CDH12: variants seen among roughly 807,000 people sequenced by gnomAD.
CDH12 encodes cadherin 12.
In CDH12, 41 loss-of-function variants were observed where a neutral mutation model predicts 74.1. The observed-to-expected ratio is 0.55, with a 90% confidence interval of 0.43 to 0.72. The LOEUF (loss-of-function observed/expected upper bound fraction) is 0.72. Ranked by LOEUF, CDH12 falls within the 30% of genes least tolerant of loss-of-function variation. CDH12 has a pLI of 0.00. For missense variants in CDH12, 945 were observed against 977.2 expected (o/e 0.97, Z 0.44); for synonymous variants, 399 against 355.0 (o/e 1.12, Z -1.39).
chr5:22,063,168 G>A (rs1049793430), intron 5 of CDH12, among the ~76,000 whole-genome samples: 4 of 151,962 alleles, frequency 2.6e-5, no homozygotes, highest in Admixed American at 6.6e-5. Context: ...TGTAACTATC[G>A]TGCTACTTCT....
chr5:22,276,594 C>T (rs982993639), intron 3 of CDH12, among the ~76,000 whole-genome samples: 7 of 152,174 alleles, frequency 4.6e-5, no homozygotes, highest in Non-Finnish European at 1.0e-4. Context: ...ATTCACTTTG[C>T]AAATGAACGT....
At chr5:22,486,608 T>C (rs1356597023) in intron 2 of CDH12, among the ~76,000 whole-genome samples, 1 of 151,550 alleles carries the variant, frequency 6.6e-6, no homozygotes, top group Non-Finnish European at 1.5e-5. Context: ...TGTGCCACCA[T>C]TCCTGGCTAA....
chr5:22,624,361 G>C (rs1738157053), intron 1 of CDH12, among the ~76,000 whole-genome samples: 1 of 152,150 alleles, frequency 6.6e-6, no homozygotes, highest in African/African-American at 2.4e-5. Context: ...TACCATCGGA[G>C]TGAACAGGCA....
intron 1 of CDH12, among the ~76,000 whole-genome samples, chr5:22,795,698 A>C (rs1748162766): frequency 6.6e-6 from 1 of 151,728 alleles, no homozygotes; most frequent in Non-Finnish European, 1.5e-5. Flanking sequence ...GCATACATAC[A>C]CTGTATGGTA....
At chr5:22,563,851 T>C (rs1248564950) in intron 1 of CDH12, among the ~76,000 whole-genome samples, 1 of 152,006 alleles carries the variant, frequency 6.6e-6, no homozygotes. Flanking sequence ...GCAGAGAAAC[T>C]CCCATTTTTA....
intron 9 of CDH12, among the ~76,000 whole-genome samples, chr5:21,810,982 T>C (rs1408941969): frequency 1.3e-5 from 2 of 152,116 alleles, no homozygotes; most frequent in Non-Finnish European, 2.9e-5. Flanking sequence ...CGGGTAAGTA[T>C]AAAATATATA....
chr5:22,501,833 A>T (rs1736165952), intron 2 of CDH12, among the ~76,000 whole-genome samples: 3 of 151,650 alleles, frequency 2.0e-5, no homozygotes, highest in Admixed American at 1.3e-4. Context: ...CTAAAGAAAG[A>T]CTCAAATCCA....
At chr5:22,216,974 A>C (rs1327268744) in intron 3 of CDH12, among the ~76,000 whole-genome samples, 1 of 151,810 alleles carries the variant, frequency 6.6e-6, no homozygotes, top group Non-Finnish European at 1.5e-5. Flanking sequence ...ATAATTTGTG[A>C]TGTTCTTTCT....
At chr5:22,712,092 T>C (rs1037867804) in intron 1 of CDH12, among the ~76,000 whole-genome samples, 3 of 152,056 alleles carry the variant, frequency 2.0e-5, no homozygotes, top group Admixed American at 2.0e-4. Flanking sequence ...GCACACACAG[T>C]AAATGCTCAG....
chr5:22,560,166 G>T (rs1240929868), intron 1 of CDH12, among the ~76,000 whole-genome samples: 1 of 152,076 alleles, frequency 6.6e-6, no homozygotes, highest in Non-Finnish European at 1.5e-5. Flanking sequence ...ATGGTTTCAA[G>T]GTTTCAGTTA....
At chr5:22,197,856 T>C (rs1440385450) in intron 4 of CDH12, among the ~76,000 whole-genome samples, 2 of 152,316 alleles carry the variant, frequency 1.3e-5, no homozygotes, top group African/African-American at 4.8e-5. Context: ...TTTGTATGCT[T>C]CTTGCAGAAA....
chr5:22,397,252 T>G (rs1742497749), intron 3 of CDH12, among the ~76,000 whole-genome samples: 1 of 152,048 alleles, frequency 6.6e-6, no homozygotes, highest in African/African-American at 2.4e-5. Flanking sequence ...ATGGCTGGAA[T>G]GCAGACAATG....
chr5:21,898,370 T>C (rs1296636323), intron 6 of CDH12, among the ~76,000 whole-genome samples: 2 of 152,066 alleles, frequency 1.3e-5, no homozygotes, highest in East Asian at 1.9e-4. Flanking sequence ...ATTGCAGGCA[T>C]GTACCGCTGC....
intron 1 of CDH12, among the ~76,000 whole-genome samples, chr5:22,779,148 C>G (rs539094801): frequency 6.6e-6 from 1 of 152,042 alleles, no homozygotes; most frequent in African/African-American, 2.4e-5. Flanking sequence ...CTAAGTTTTT[C>G]TCTACCTTGG....
chr5:22,343,901 T>C (rs899798395), intron 3 of CDH12, among the ~76,000 whole-genome samples: 1 of 152,212 alleles, frequency 6.6e-6, no homozygotes, highest in Non-Finnish European at 1.5e-5. Flanking sequence ...CCCTAGCATA[T>C]GTTGTAGATA....
At chr5:21,951,915 G>T (rs6865849) in intron 6 of CDH12, among the ~76,000 whole-genome samples, 165 of 152,250 alleles carry the variant, frequency 1.1e-3, no homozygotes, top group African/African-American at 3.7e-3. Flanking sequence ...GACTTGAAAA[G>T]CTTTTGAATA....
chr5:22,012,841 A>T (rs1737380641), intron 5 of CDH12, among the ~76,000 whole-genome samples: 1 of 142,236 alleles, frequency 7.0e-6, no homozygotes, highest in Non-Finnish European at 1.5e-5. Context: ...TTGAGACCAA[A>T]TTGGAGTAAT....
chr5:22,734,790 T>G (rs1744602589), intron 1 of CDH12, among the ~76,000 whole-genome samples: 1 of 151,928 alleles, frequency 6.6e-6, no homozygotes, highest in Admixed American at 6.6e-5. Flanking sequence ...CAAGAACCGT[T>G]GTAAACCTGT....
chr5:21,893,302 A>G (rs1752975829), intron 6 of CDH12, among the ~76,000 whole-genome samples: 1 of 152,204 alleles, frequency 6.6e-6, no homozygotes, highest in Non-Finnish European at 1.5e-5. Flanking sequence ...ATACTAATAG[A>G]ACCTCAGCAA....
Sources: gnomAD v4.1 joint callset for allele counts (sites outside exome capture counted in the v4.1 genomes callset) on GRCh38, gnomAD v4.1.1 for gene constraint, MANE v1.5 for transcripts, NCBI Gene and HGNC (gene_info 2026-07-23, HGNC 2026-07-21) for gene names.